Variants in CNTNAP2 observed in about 807,000 individuals in gnomAD.
The protein encoded by CNTNAP2 is contactin-associated protein-like 2.
CNTNAP2 carries 98 observed loss-of-function variants against 155.2 expected under a neutral mutation model. The ratio of observed to expected loss-of-function variants is 0.63; its 90% CI spans 0.54 to 0.75. The LOEUF (loss-of-function observed/expected upper bound fraction) is 0.75. Among genes scored for constraint, CNTNAP2 ranks in the 30% least tolerant of loss-of-function variants. The pLI is 0.00. For missense variants in CNTNAP2, 1,727 were observed against 1,688.1 expected (o/e 1.02, Z -0.40); for synonymous variants, 651 against 631.2 (o/e 1.03, Z -0.47).
intron 1 of CNTNAP2, among the ~76,000 whole-genome samples, chr7:146,488,703 C>G (rs959665090): frequency 6.6e-6 from 1 of 152,110 alleles, no homozygotes; most frequent in Non-Finnish European, 1.5e-5. Flanking sequence ...TTTTGGCTCA[C>G]TTGCAGCTTC....
intron 3 of CNTNAP2, among the ~76,000 whole-genome samples, chr7:146,965,393 A>G (rs1797637769): frequency 1.0e-5 from 1 of 95,370 alleles, no homozygotes; most frequent in Admixed American, 1.3e-4. Flanking sequence ...ACAAATTAGC[A>G]GAGTCAGAAC....
intron 1 of CNTNAP2, among the ~76,000 whole-genome samples, chr7:146,298,184 T>A (rs1263648676): frequency 6.6e-6 from 1 of 152,210 alleles, no homozygotes; most frequent in African/African-American, 2.4e-5. Flanking sequence ...GAAGAGCCAC[T>A]ATTTGCAAGT....
intron 13 of CNTNAP2, among the ~76,000 whole-genome samples, chr7:147,902,876 T>C (rs1245859806): frequency 6.6e-6 from 1 of 151,148 alleles, no homozygotes; most frequent in Non-Finnish European, 1.5e-5. Context: ...ATTCATTGAC[T>C]GATGGGCATT....
chr7:148,154,555 AAAAAT>A (rs139681028), intron 17 of CNTNAP2, among the ~76,000 whole-genome samples: 1 of 152,314 alleles, frequency 6.6e-6, no homozygotes, highest in East Asian at 1.9e-4. Context: ...TGTGAAGGAG[AAAAAT>A]AGAATTCTAA....
chr7:146,572,072 C>T lies in CNTNAP2; in HGVS notation c.98-202199C>T, dbSNP rs563042877. Among the ~76,000 whole-genome samples the T allele has an allele frequency of 2.0e-5, 3 of 152,236 alleles. 1 individual carries two copies. The East Asian group carries it at 5.8e-4, about 29-fold the overall frequency. On this transcript the variant is annotated intron_variant, in intron 1 of 23. Coordinates refer to ENST00000361727, the MANE Select transcript of CNTNAP2 (RefSeq NM_014141.6). ...TGTGGGTTGCTTGGAAAAATATATT[C>T]TAGGGTTCTTTGAATTTAAAGACAC...
intron 20 of CNTNAP2, among the ~76,000 whole-genome samples, chr7:148,253,972 A>G (rs1262723302): frequency 6.6e-6 from 1 of 152,212 alleles, no homozygotes; most frequent in Non-Finnish European, 1.5e-5. Flanking sequence ...CAGGTCCTGC[A>G]TCCCAAGAAT....
chr7:147,644,808 AC>A (rs1292667029), intron 13 of CNTNAP2, among the ~76,000 whole-genome samples: 2 of 152,196 alleles, frequency 1.3e-5, no homozygotes, highest in African/African-American at 4.8e-5. Context: ...TATCTTACAT[AC>A]ATTGTAGTCA....
At chr7:147,807,162 A>G (rs992286135) in intron 13 of CNTNAP2, among the ~76,000 whole-genome samples, 1 of 151,768 alleles carries the variant, frequency 6.6e-6, no homozygotes, top group Admixed American at 6.6e-5. Context: ...AAGAATAAAA[A>G]GTTTTAAAAA....
chr7:148,215,797 A>T (rs540113743), intron 18 of CNTNAP2, among the ~76,000 whole-genome samples: 1 of 152,170 alleles, frequency 6.6e-6, no homozygotes, highest in Non-Finnish European at 1.5e-5. Flanking sequence ...CCAAGTTAAC[A>T]CGGCTGCTAC....
At chr7:148,195,477 T>C (rs1245420063) in intron 18 of CNTNAP2, among the ~76,000 whole-genome samples, 1 of 152,222 alleles carries the variant, frequency 6.6e-6, no homozygotes, top group Non-Finnish European at 1.5e-5. Flanking sequence ...CTCTGTAGCA[T>C]TAAATTCCTT....
chr7:147,737,204 G>T (rs1339210215), intron 13 of CNTNAP2, among the ~76,000 whole-genome samples: 1 of 152,104 alleles, frequency 6.6e-6, no homozygotes, highest in Non-Finnish European at 1.5e-5. Context: ...GGGTTTTGGT[G>T]TTGATGTCCT....
At chr7:148,208,083 C>G (rs1200982797) in intron 18 of CNTNAP2, among the ~76,000 whole-genome samples, 1 of 130,476 alleles carries the variant, frequency 7.7e-6, no homozygotes, top group Admixed American at 7.5e-5. Context: ...AGCGAGACTC[C>G]GTGTCAAAAA....
intron 1 of CNTNAP2, among the ~76,000 whole-genome samples, chr7:146,388,387 A>G (rs1007215247): frequency 6.6e-6 from 1 of 152,082 alleles, no homozygotes; most frequent in Admixed American, 6.6e-5. Flanking sequence ...GCGAGCCATG[A>G]CTGTGCCACT....
chr7:147,165,397 A>G (rs535469052), intron 8 of CNTNAP2, among the ~76,000 whole-genome samples: 1 of 151,896 alleles, frequency 6.6e-6, no homozygotes, highest in South Asian at 2.1e-4. Context: ...AAGTCTGGAT[A>G]TTAGTCCTTT....
At chr7:146,519,639 T>G (rs1797589548) in intron 1 of CNTNAP2, among the ~76,000 whole-genome samples, 3 of 151,974 alleles carry the variant, frequency 2.0e-5, no homozygotes, top group South Asian at 2.1e-4. Context: ...ATGTTGACTT[T>G]CAGAAGTGAA....
Position 146,277,604 on chromosome 7 carries a change from C to G in CNTNAP2, c.97+160631C>G, listed in dbSNP as rs1347603845. Among the ~76,000 whole-genome samples the G allele has an allele frequency of 2.6e-5, 4 of 152,110 alleles. No homozygotes were observed. In the East Asian group the frequency reaches 7.7e-4, roughly 29 times the overall value. ...GCTGCTTTGGAAGAAGCTTTTATTT[C>G]CTGCTTATCCATTAAGAAGTCAGGC... On this transcript the variant is annotated intron_variant, in intron 1 of 23. Coordinates refer to ENST00000361727, the MANE Select transcript of CNTNAP2 (RefSeq NM_014141.6).
chr7:146,222,541 A>AGTGTGTGTGTGTGT (rs10616515), intron 1 of CNTNAP2, among the ~76,000 whole-genome samples: 51 of 147,376 alleles, frequency 3.5e-4, no homozygotes, highest in African/African-American at 1.3e-3. Flanking sequence ...ACTAAAGCAT[A>AGTGTGTGTGTGTGT]GTGTGTGTGT....
intron 9 of CNTNAP2, among the ~76,000 whole-genome samples, chr7:147,395,242 A>C (rs1293967957): frequency 2.6e-5 from 4 of 152,010 alleles, no homozygotes; most frequent in Non-Finnish European, 4.4e-5. Flanking sequence ...AAAGTTCTAA[A>C]GTTTTGTGTC....
intron 9 of CNTNAP2, among the ~76,000 whole-genome samples, chr7:147,334,122 C>G (rs1795625202): frequency 6.6e-6 from 1 of 152,168 alleles, no homozygotes; most frequent in African/African-American, 2.4e-5. Context: ...GAAGATGTGT[C>G]TAACTCTGGT....
Sources: allele counts gnomAD v4.1 joint callset (sites outside exome capture counted in the v4.1 genomes callset), GRCh38; gene constraint gnomAD v4.1.1; transcripts MANE v1.5; gene names NCBI Gene and HGNC (gene_info 2026-07-23, HGNC 2026-07-21).